The following SEPTIN8 variants were observed in gnomAD, a reference collection of about 807,000 sequenced individuals.
The protein encoded by SEPTIN8 is septin 8.
Under a neutral mutation model 53.1 loss-of-function variants are expected in SEPTIN8, and 22 were observed. The ratio of observed to expected loss-of-function variants is 0.41; its 90% CI spans 0.30 to 0.59. The LOEUF is 0.59. Among genes scored for constraint, SEPTIN8 ranks in the 20% least tolerant of loss-of-function variants. The probability of loss-of-function intolerance (pLI) is 0.24; values close to 1 mark genes in which losing one functional copy is unlikely to be tolerated. For missense variants in SEPTIN8, 536 were observed against 638.7 expected, an observed-to-expected ratio of 0.84 and a Z score of 1.73; for synonymous variants, 228 against 248.4, an observed-to-expected ratio of 0.92 and a Z score of 0.77.
At chr5:132,772,965 T>A (rs1431568373) in intron 1 of SEPTIN8, among the ~76,000 whole-genome samples, 2 of 152,150 alleles carry the variant, frequency 1.3e-5, no homozygotes, top group African/African-American at 4.8e-5. Context: ...TAATCTGACC[T>A]CTAGGATAGG....
At position 132,765,527 on chromosome 5, in the gene SEPTIN8, A is replaced by C. The variant is rs1756493117; in HGVS notation, c.33T>G (p.Asn11Lys). 1 of 1,593,070 alleles carries C rather than the reference A, an allele frequency of 6.3e-7. No homozygotes were observed. ...AGAGGCTCCGGGGCTCTGGCTCTGC[A>C]TTCTGCCAAGAGAGAAATAAAGCAA... Reference protein sequence around the residue: MAATDLERFSNAEPEPRSLSL... With the variant: MAATDLERFSKAEPEPRSLSL... The change falls in exon 2 of 10, where the codon AAT becomes AAG. Residue 11 changes from asparagine (N) to lysine (K), a missense_variant and splice_region_variant. Asn to Lys is a moderately conservative substitution (Grantham distance 94). This residue lies in a region of SEPTIN8 where 395 missense variants were observed against 451.8 expected (regional missense o/e 0.87). Coordinates refer to ENST00000378719, the MANE Select transcript of SEPTIN8 (RefSeq NM_001098811.2).
intron 9 of SEPTIN8, chr5:132,753,464 C>G (rs1288129581): frequency 6.3e-6 from 1 of 159,590 alleles, no homozygotes; most frequent in Non-Finnish European, 1.4e-5. Context: ...CCAGTCCCAA[C>G]TACCCTGCCT....
chr5:132,760,621 T>C lies in SEPTIN8; in HGVS notation c.1286+181A>G, dbSNP rs1465882432. Among the ~76,000 whole-genome samples the C allele has an allele frequency of 8.4e-6, 1 of 119,440 alleles. No individual in the cohort carries two copies. The highest frequency in any genetic ancestry group is 1.5e-5 in the Non-Finnish European group (1 of 66,522). 78.4% of individuals were successfully genotyped at this position (119,440 alleles called of 152,430 possible). A position where few individuals can be genotyped will look rare whatever the true frequency, so the allele number is the denominator to read the frequency against. ...TCCAGACGGCGAGACACTGGATCAC[T>C]AGTGAAAGAAAAAGGCAACCAAGAA... is the stretch of plus-strand genomic sequence containing the variant. On this transcript the variant is annotated intron_variant, in intron 9 of 9. Transcript: ENST00000378719. The surrounding 1 kb of genome is among the most constrained non-coding windows in gnomAD (Gnocchi z 5.2).
chr5:132,765,564 A>C (rs936829245), intron 1 of SEPTIN8, 35 bp from the exon 2 acceptor site: 2 of 1,546,350 alleles, frequency 1.3e-6, no homozygotes, highest in Non-Finnish European at 8.7e-7. Context: ...ACATGAGCCC[A>C]CTGGGGAAGA....
At chr5:132,774,355 G>A (rs1379615863) in intron 1 of SEPTIN8, 1 of 156,098 alleles carries the variant, frequency 6.4e-6, no homozygotes, top group Non-Finnish European at 1.5e-5. Context: ...GTCTGAACCT[G>A]TGAGATTCTG....
upstream of SEPTIN8, among the ~76,000 whole-genome samples, chr5:132,779,216 A>C (rs1268593595): frequency 6.6e-6 from 1 of 152,226 alleles, no homozygotes; most frequent in Non-Finnish European, 1.5e-5. Flanking sequence ...AGAATTATCT[A>C]TGAGGGCTCA....
Position 132,761,971 on chromosome 5 carries a change from G to T in SEPTIN8, c.697-75C>A. The T allele has an allele frequency of 7.4e-7, 1 of 1,354,894 alleles. No homozygotes were observed. Among genetic ancestry groups the T allele is most frequent in the Non-Finnish European group, 1.0e-6 (1 of 989,304 alleles). 83.9% of individuals were successfully genotyped at this position (1,354,894 alleles called of 1,614,324 possible). A position where few individuals can be genotyped will look rare whatever the true frequency, so the allele number is the denominator to read the frequency against. ...GGCAGACTCTCCCTCCCTGCCCCTG[G>T]GTCCTAGGGAGGGGCAGCCAGACCT... On this transcript the variant is annotated intron_variant, in intron 5 of 9. Coordinates refer to ENST00000378719, the MANE Select transcript of SEPTIN8 (RefSeq NM_001098811.2). This position sits in a 1 kb window ranked among gnomAD's most constrained non-coding sequence, Gnocchi z 5.8.
rs376943829 is a variant in SEPTIN8 at position 132,770,109 on chromosome 5, GTA to G, written c.31-4582_31-4581del. Among the ~76,000 whole-genome samples the G allele has an allele frequency of 4.9e-3, 392 of 80,764 alleles. 8 individuals are homozygous for G. Among genetic ancestry groups the G allele is most frequent in the African/African-American group, 0.028 (265 of 9,418 alleles). The allele number at this position is 80,764 out of a possible 152,430, so 53.0% of individuals were successfully genotyped here. A position where few individuals can be genotyped will look rare whatever the true frequency, so the allele number is the denominator to read the frequency against. On this transcript the variant is annotated intron_variant, in intron 1 of 9. Coordinates refer to ENST00000378719, the MANE Select transcript of SEPTIN8 (RefSeq NM_001098811.2). ...TATATGTATATATATATGTATATAT[GTA>G]TATATATATATATGTATATATGTGT...
At chr5:132,777,969 C>G (rs1757941127), upstream of SEPTIN8, 6 of 985,372 alleles carry the variant, frequency 6.1e-6, no homozygotes, top group African/African-American at 1.7e-5. The surrounding 1 kb of genome is among the most constrained non-coding windows in gnomAD (Gnocchi z 4.1). Flanking sequence ...GTCCCAAGGG[C>G]TTGGGACAAC....
chr5:132,752,101 G>A lies in SEPTIN8; in HGVS notation c.1367C>T (p.Pro456Leu), dbSNP rs919625405. 2.5e-6 allele frequency: 4 copies of A among 1,600,914 alleles called. No individual in the cohort carries two copies. The highest frequency in any genetic ancestry group is 3.4e-6 in the Non-Finnish European group (4 of 1,173,688). ...GGGCCACCAGCTGCTGCAGTTCAAG[G>A]GCTCCACACTGGCCTTGGTCATCAT... ...KVMMTKASVE[P>L]LNCSSWWPAI... Residue 456 changes from proline to leucine, a missense_variant, in exon 10 of 10, where the codon CCC becomes CTC. By Grantham distance (98) the Pro-to-Leu change is moderately conservative. This residue lies in a region of SEPTIN8 where 133 missense variants were observed against 157.4 expected (regional missense o/e 0.84). Coordinates refer to ENST00000378719, the MANE Select transcript of SEPTIN8 (RefSeq NM_001098811.2).
chr5:132,754,304 A>G (rs935743957), intron 9 of SEPTIN8: 6 of 678,348 alleles, frequency 8.8e-6, no homozygotes, highest in South Asian at 1.7e-5. Context: ...TGCTGAGGCC[A>G]TGCTGCTCAC....
chr5:132,757,827 C>T (rs1581141188), intron 9 of SEPTIN8: 3 of 985,322 alleles, frequency 3.0e-6, no homozygotes, highest in African/African-American at 3.5e-5. Flanking sequence ...GCTCATTTTT[C>T]CCTAATTGTC....
chr5:132,771,684 G>C (rs752477740), intron 1 of SEPTIN8, among the ~76,000 whole-genome samples: 1 of 152,232 alleles, frequency 6.6e-6, no homozygotes, highest in Non-Finnish European at 1.5e-5. Flanking sequence ...CCTCCCAGGA[G>C]CCTGGGCCTT....
At chr5:132,758,335 T>A in intron 9 of SEPTIN8, 1 of 1,391,796 alleles carries the variant, frequency 7.2e-7, no homozygotes, top group East Asian at 2.5e-5. Context: ...TTTAAAGTTA[T>A]TAAAATTAAG....
rs200947051 is a variant in SEPTIN8 at position 132,753,015 on chromosome 5, C to A, written c.1287-834G>T. The stretch of plus-strand genomic sequence containing the variant: ...GGGCTTTCAGAGCATAGTGTGAAAC[C>A]TCCTTGCTTGGACTACCATGAGTTC... On this transcript the variant is annotated intron_variant, in intron 9 of 9. Coordinates refer to ENST00000378719, the MANE Select transcript of SEPTIN8 (RefSeq NM_001098811.2). The A allele has an allele frequency of 2.7e-6, 4 of 1,469,684 alleles. No individual in the cohort carries two copies. In the East Asian group the frequency reaches 6.8e-5, roughly 25 times the overall value. 91.0% of individuals were successfully genotyped at this position (1,469,684 alleles called of 1,614,324 possible). A position where few individuals can be genotyped will look rare whatever the true frequency, so the allele number is the denominator to read the frequency against.
At chr5:132,753,046 C>A in intron 9 of SEPTIN8, 1 of 1,192,346 alleles carries the variant, frequency 8.4e-7, no homozygotes, top group Non-Finnish European at 1.2e-6. Flanking sequence ...AGTTCTTTGG[C>A]TTGTTATGAA....
chr5:132,752,798 A>G (rs1754968548), intron 9 of SEPTIN8: 1 of 1,390,080 alleles, frequency 7.2e-7, no homozygotes, highest in Non-Finnish European at 1.0e-6. Context: ...ACATTTTGGC[A>G]CTCAATTGCC....
rs141229787 is a variant in SEPTIN8 at position 132,758,260 on chromosome 5, T to C, written c.1286+2542A>G. 1.6e-4 allele frequency: 212 copies of C among 1,299,690 alleles called. No individual in the cohort carries two copies. In the African/African-American group the frequency reaches 2.7e-3, roughly 17 times the overall value. The allele number at this position is 1,299,690 out of a possible 1,614,324, so 80.5% of individuals were successfully genotyped here. A position where few individuals can be genotyped will look rare whatever the true frequency, so the allele number is the denominator to read the frequency against. On this transcript the variant is annotated intron_variant, in intron 9 of 9. Transcript: ENST00000378719. ...AAAATCAGGGAATCTGTGTTACTTA[T>C]GAAAATAATGGGAGAGGATATTATT... is the stretch of plus-strand genomic sequence containing the variant.
At position 132,761,888 on chromosome 5, in the gene SEPTIN8, C is replaced by T. The variant is rs372330297; in HGVS notation, c.705G>A (p.Leu235=). The change falls in exon 6 of 10, where the codon CTG becomes CTA. Residue 235 remains leucine (L), a synonymous_variant. Transcript: ENST00000378719. This position sits in a 1 kb window ranked among gnomAD's most constrained non-coding sequence, Gnocchi z 5.8. ...CGGTGCTGCCCACCACGGCAAAGGG[C>T]AGATGTGCCTGGAAAGGGGCCCGGG... is the stretch of plus-strand genomic sequence containing the variant. ...AEINAVMNAH[L]PFAVVGSTEE... is the part of the protein sequence containing the mutation. The T allele has an allele frequency of 1.9e-5, 30 of 1,593,040 alleles. No individual in the cohort carries two copies. Among genetic ancestry groups the T allele is most frequent in the Non-Finnish European group, 2.5e-5 (29 of 1,169,580 alleles).
Sources: gnomAD v4.1 joint callset for allele counts (sites outside exome capture counted in the v4.1 genomes callset) on GRCh38, gnomAD v4.1.1 for gene constraint, gnomAD v4.1.1 regional missense constraint, Gnocchi (gnomAD v3.1) non-coding constraint, MANE v1.5 for transcripts, NCBI Gene and HGNC (gene_info 2026-07-23, HGNC 2026-07-21) for gene names.